NEMP2: variants seen among roughly 807,000 people sequenced by gnomAD.
NEMP2 encodes nuclear envelope integral membrane protein 2.
Under a neutral mutation model 54.2 loss-of-function variants are expected in NEMP2, and 53 were observed. That is an observed-to-expected ratio of 0.98 (90% CI 0.78 to 1.23). The LOEUF (loss-of-function observed/expected upper bound fraction) is 1.23, where lower values mean the gene tolerates loss of function less well. Among genes scored for constraint, NEMP2 ranks in the 50% most tolerant of loss-of-function variants. NEMP2 has a pLI of 0.00. For synonymous variants in NEMP2, 197 were observed against 190.3 expected (o/e 1.04, Z -0.29); for missense variants, 455 against 511.3 (o/e 0.89, Z 1.06).
downstream of NEMP2, chr2:190,501,118 G>C (rs556798935): frequency 7.9e-5 from 12 of 152,240 alleles, no homozygotes; most frequent in Non-Finnish European, 1.6e-4. Context: ...AAAAATCACT[G>C]AATTCCTAAG....
At chr2:190,429,133 T>C in the NEMP2 span, among the ~76,000 whole-genome samples, 8 of 152,120 alleles carry the variant, frequency 5.3e-5, no homozygotes, top group South Asian at 1.2e-3. Context: ...TTTTTGCTTA[T>C]TTTTCCTATT....
chr2:190,588,652 G>T, the NEMP2 span, among the ~76,000 whole-genome samples: 3 of 152,130 alleles, frequency 2.0e-5, no homozygotes, highest in African/African-American at 7.2e-5. This position sits in a 1 kb window ranked among gnomAD's most constrained non-coding sequence, Gnocchi z 5.0. Flanking sequence ...TGCTGTTACT[G>T]CTGCTTCCAC....
the NEMP2 span, among the ~76,000 whole-genome samples, chr2:190,496,687 C>T: frequency 4.0e-5 from 6 of 151,756 alleles, no homozygotes; most frequent in African/African-American, 1.5e-4. The surrounding 1 kb of genome is among the most constrained non-coding windows in gnomAD (Gnocchi z 4.7). Context: ...TGTATATACA[C>T]ACACACACAT....
chr2:190,511,902 G>A (rs1380852521), intron 7 of NEMP2, among the ~76,000 whole-genome samples: 1 of 150,016 alleles, frequency 6.7e-6, no homozygotes, highest in Non-Finnish European at 1.5e-5. Context: ...ATTTTGAGGT[G>A]GTTTTAAATT....
chr2:190,452,338 A>C, the NEMP2 span, among the ~76,000 whole-genome samples: 1 of 152,208 alleles, frequency 6.6e-6, no homozygotes, highest in Admixed American at 6.5e-5. Flanking sequence ...ATAATATTTT[A>C]AAAATAGTAA....
the NEMP2 span, among the ~76,000 whole-genome samples, chr2:190,577,175 G>A: frequency 0.1 from 15,683 of 152,182 alleles, 1,269 homozygotes; most frequent in African/African-American, 0.22. This position sits in a 1 kb window ranked among gnomAD's most constrained non-coding sequence, Gnocchi z 4.8. Context: ...ATTGGAGCCA[G>A]ATTGTTAGGT....
the NEMP2 span, chr2:190,477,300 G>C: frequency 1.0e-6 from 1 of 984,748 alleles, no homozygotes; most frequent in South Asian, 4.7e-5. Context: ...CCCACCTCTG[G>C]TTCCTGTTCT....
At chr2:190,427,820 C>G in the NEMP2 span, among the ~76,000 whole-genome samples, 3 of 152,226 alleles carry the variant, frequency 2.0e-5, no homozygotes, top group Non-Finnish European at 4.4e-5. Flanking sequence ...CAATCCCCAC[C>G]TCCTGGGTTC....
At position 190,515,938 on chromosome 2, in the gene NEMP2, C is replaced by G. The variant is rs58225364; in HGVS notation, c.727+332G>C. Among the ~76,000 whole-genome samples the G allele has an allele frequency of 6.3e-3, 964 of 152,210 alleles. 19 individuals carry two copies. The highest frequency in any genetic ancestry group is 0.022 in the African/African-American group (928 of 41,536). On this transcript the variant is annotated intron_variant, in intron 6 of 8. Coordinates refer to ENST00000409150, the MANE Select transcript of NEMP2 (RefSeq NM_001142645.2). ...AAGAAACAGCCACTTTTCAGAGAAG[C>G]TTTTACATTACCAGTTAGATGTGGT...
At chr2:190,643,023 G>GTTTTTTTTTTTTTTTTTTTT in the NEMP2 span, among the ~76,000 whole-genome samples, 2 of 79,566 alleles carry the variant, frequency 2.5e-5, 1 homozygote, top group Admixed American at 3.3e-4. Flanking sequence ...AATGGTTAAG[G>GTTTTTTTTTTTTTTTTTTTT]TTTTTTTTTT....
chr2:190,616,505 T>C, the NEMP2 span, among the ~76,000 whole-genome samples: 183 of 152,366 alleles, frequency 1.2e-3, no homozygotes, highest in Non-Finnish European at 2.1e-3. This position sits in a 1 kb window ranked among gnomAD's most constrained non-coding sequence, Gnocchi z 5.1. Context: ...CAAGTTGTAT[T>C]TGATTAGAAC....
chr2:190,430,803 C>T, the NEMP2 span, among the ~76,000 whole-genome samples: 1 of 146,478 alleles, frequency 6.8e-6, no homozygotes, highest in African/African-American at 2.5e-5. Flanking sequence ...GAGGCGCCCC[C>T]CCCACCTCCC....
At chr2:190,630,704 T>G in the NEMP2 span, among the ~76,000 whole-genome samples, 3 of 152,192 alleles carry the variant, frequency 2.0e-5, no homozygotes. The surrounding 1 kb of genome is among the most constrained non-coding windows in gnomAD (Gnocchi z 5.5). Flanking sequence ...AAATGGCTAT[T>G]ATCACTTATA....
At chr2:190,502,294 T>C, downstream of NEMP2, 1 of 152,336 alleles carries the variant, frequency 6.6e-6, no homozygotes, top group East Asian at 1.9e-4. This position sits in a 1 kb window ranked among gnomAD's most constrained non-coding sequence, Gnocchi z 4.4. Context: ...TTAAAAAATA[T>C]TAAAGTGAAT....
At chr2:190,597,973 C>T in the NEMP2 span, among the ~76,000 whole-genome samples, 5 of 152,138 alleles carry the variant, frequency 3.3e-5, no homozygotes, top group Non-Finnish European at 7.3e-5. The surrounding 1 kb of genome is among the most constrained non-coding windows in gnomAD (Gnocchi z 4.7). Flanking sequence ...ATTTATACCT[C>T]TAGGCTAGTG....
the NEMP2 span, among the ~76,000 whole-genome samples, chr2:190,546,975 G>T: frequency 6.6e-6 from 1 of 152,142 alleles, no homozygotes; most frequent in Admixed American, 6.5e-5. The surrounding 1 kb of genome is among the most constrained non-coding windows in gnomAD (Gnocchi z 5.1). Flanking sequence ...GAAAAAGGCC[G>T]TCCTTGCTGC....
At chr2:190,493,535 A>C in the NEMP2 span, among the ~76,000 whole-genome samples, 2 of 152,214 alleles carry the variant, frequency 1.3e-5, no homozygotes, top group Non-Finnish European at 2.9e-5. Flanking sequence ...AATGAACTTA[A>C]CAGATATTTA....
At chr2:190,646,954 C>T in the NEMP2 span, 1 of 152,124 alleles carries the variant, frequency 6.6e-6, no homozygotes, top group Non-Finnish European at 1.5e-5. Context: ...AGAGTGTTTG[C>T]AAAACATCAA....
At chr2:190,437,031 C>CTGGG in the NEMP2 span, 1 of 1,614,216 alleles carries the variant, frequency 6.2e-7, no homozygotes, top group Non-Finnish European at 8.5e-7. The surrounding 1 kb of genome is among the most constrained non-coding windows in gnomAD (Gnocchi z 5.9). Flanking sequence ...GCTCCCTGGG[C>CTGGG]TGGGGCCTGG....
Sources: allele counts gnomAD v4.1 joint callset (sites outside exome capture counted in the v4.1 genomes callset), GRCh38; gene constraint gnomAD v4.1.1; non-coding constraint Gnocchi (gnomAD v3.1); transcripts MANE v1.5; gene names NCBI Gene and HGNC (gene_info 2026-07-23, HGNC 2026-07-21).